Variants in AR observed in about 807,000 individuals in gnomAD.
AR encodes the protein dihydrotestosterone receptor.
AR carries 8 observed loss-of-function variants against 53.9 expected under a neutral mutation model. The observed-to-expected ratio is 0.15, with a 90% CI of 0.09 to 0.27. AR has a LOEUF of 0.27. Among genes scored for constraint, AR ranks in the 10% least tolerant of loss-of-function variants. The pLI, the probability that AR is intolerant of heterozygous loss-of-function variation, is 1.00. For synonymous variants in AR, 359 were observed against 316.4 expected, an observed-to-expected ratio of 1.13 and a Z score of -1.43; for missense variants, 639 against 742.5, an observed-to-expected ratio of 0.86 and a Z score of 1.62.
At chrX:67,636,193 GC>G (rs1178134274) in intron 1 of AR, among the ~76,000 whole-genome samples, 1 of 110,724 alleles carries the variant, frequency 9.0e-6, no homozygotes, top group Non-Finnish European at 1.9e-5. Context: ...AGGAGTGTCA[GC>G]CACATAATAG....
At position 67,701,320 on chromosome X, in the gene AR, C is replaced by T. The variant is rs149581285; in HGVS notation, c.1886-10082C>T. ...CAAGTCTAGAAGGATCTCAGAGAGACACATGCTGAGATACAGCAGGAATAA... is the reference window on the plus strand; with the variant it reads ...CAAGTCTAGAAGGATCTCAGAGAGATACATGCTGAGATACAGCAGGAATAA... On this transcript the variant is annotated intron_variant, in intron 3 of 7. Coordinates refer to ENST00000374690, the MANE Select transcript of AR (RefSeq NM_000044.6). Among the ~76,000 whole-genome samples, 30 of 111,002 alleles carry T rather than the reference C, an allele frequency of 2.7e-4. No homozygotes were observed. The East Asian group carries it at 8.3e-3, about 31-fold the overall frequency.
intron 2 of AR, among the ~76,000 whole-genome samples, chrX:67,648,652 G>T (rs1045052828): frequency 8.9e-6 from 1 of 112,038 alleles, no homozygotes; most frequent in African/African-American, 3.2e-5. Flanking sequence ...TGCCCAATTC[G>T]GGAGCCATGC....
chrX:67,698,818 T>C (rs1311842598), intron 3 of AR, among the ~76,000 whole-genome samples: 2 of 111,711 alleles, frequency 1.8e-5, no homozygotes, highest in African/African-American at 6.5e-5. Context: ...ATGCCTGAGT[T>C]AGGGCCCCTG....
chrX:67,663,862 C>T lies in AR; in HGVS notation c.1768+20455C>T, dbSNP rs761824342. Among the ~76,000 whole-genome samples, 8 of 112,058 alleles carry T rather than the reference C, an allele frequency of 7.1e-5. No homozygotes were observed. In the East Asian group the frequency reaches 2.2e-3, roughly 31 times the overall value. The stretch of plus-strand genomic sequence containing the variant: ...TTCCTCTGAACTTCTCGCTTCATTT[C>T]ATTCATTTGATCTTCAATCACTGAT... On this transcript the variant is annotated intron_variant, in intron 2 of 7. Coordinates refer to ENST00000374690, the MANE Select transcript of AR (RefSeq NM_000044.6).
At chrX:67,664,307 G>A (rs1159011366) in intron 2 of AR, among the ~76,000 whole-genome samples, 1 of 111,922 alleles carries the variant, frequency 8.9e-6, no homozygotes, top group East Asian at 2.8e-4. Context: ...TGGTGTGGAT[G>A]TCCTTTCTGT....
intron 1 of AR, among the ~76,000 whole-genome samples, chrX:67,594,625 C>T (rs1342247006): frequency 1.8e-5 from 2 of 111,555 alleles, no homozygotes; most frequent in Non-Finnish European, 3.8e-5. Context: ...TCAGAGTCCT[C>T]TTCCTACCTA....
At chrX:67,567,672 C>T (rs1679554039) in intron 1 of AR, among the ~76,000 whole-genome samples, 1 of 111,816 alleles carries the variant, frequency 8.9e-6, no homozygotes, top group African/African-American at 3.3e-5. Flanking sequence ...GGGTTTGTGT[C>T]CAGACTTTGT....
At chrX:67,611,630 G>A (rs1923884701) in intron 1 of AR, among the ~76,000 whole-genome samples, 1 of 111,386 alleles carries the variant, frequency 9.0e-6, no homozygotes, top group African/African-American at 3.3e-5. Context: ...GTCTTTCTAG[G>A]TGGGGATGAT....
chrX:67,570,455 C>A (rs1017308863), intron 1 of AR, among the ~76,000 whole-genome samples: 3 of 111,916 alleles, frequency 2.7e-5, no homozygotes, highest in Non-Finnish European at 5.6e-5. Flanking sequence ...TCAAAAGAGT[C>A]AGTTAAAAAT....
At chrX:67,581,306 A>T (rs1010326241) in intron 1 of AR, among the ~76,000 whole-genome samples, 4 of 111,880 alleles carry the variant, frequency 3.6e-5, no homozygotes, top group Non-Finnish European at 5.7e-5. Flanking sequence ...TCTTATATAG[A>T]ATGTGATGTT....
At chrX:67,699,817 C>T (rs909293813) in intron 3 of AR, among the ~76,000 whole-genome samples, 4 of 111,320 alleles carry the variant, frequency 3.6e-5, no homozygotes, top group East Asian at 2.8e-4. Flanking sequence ...GGAAACTTCA[C>T]GCCACTTTCA....
chrX:67,549,074 TTTTC>T (rs1929890475), intron 1 of AR, among the ~76,000 whole-genome samples: 1 of 112,369 alleles, frequency 8.9e-6, no homozygotes, highest in Non-Finnish European at 1.9e-5. Context: ...AAAGTTAGTA[TTTTC>T]TTTCTTTTTA....
chrX:67,663,835 T>C (rs1354384658), intron 2 of AR, among the ~76,000 whole-genome samples: 1 of 111,906 alleles, frequency 8.9e-6, no homozygotes, highest in Non-Finnish European at 1.9e-5. Context: ...TTTTTATTCT[T>C]TTTCCTCTGA....
At chrX:67,562,848 A>G (rs1442414377) in intron 1 of AR, among the ~76,000 whole-genome samples, 4 of 111,892 alleles carry the variant, frequency 3.6e-5, no homozygotes, top group African/African-American at 1.3e-4. Flanking sequence ...CATTATCTGT[A>G]GAGCACTCTT....
At chrX:67,589,295 A>G (rs1217815723) in intron 1 of AR, among the ~76,000 whole-genome samples, 1 of 109,818 alleles carries the variant, frequency 9.1e-6, no homozygotes, top group Non-Finnish European at 1.9e-5. Context: ...AAAGAAGTCC[A>G]CTGTTAGTAT....
chrX:67,572,866 G>T (rs1264849226), intron 1 of AR, among the ~76,000 whole-genome samples: 1 of 111,414 alleles, frequency 9.0e-6, no homozygotes, highest in Admixed American at 9.5e-5. Flanking sequence ...GCTTAAGATT[G>T]GTCCTTTCCA....
intron 1 of AR, among the ~76,000 whole-genome samples, chrX:67,562,356 ATGTGTGTG>A (rs756124629): frequency 1.5e-4 from 14 of 95,033 alleles, no homozygotes; most frequent in Admixed American, 8.0e-4. Context: ...TATGGTGTAT[ATGTGTGTG>A]TGTGTGTGTG....
intron 1 of AR, among the ~76,000 whole-genome samples, chrX:67,625,702 A>T (rs1020723494): frequency 8.9e-6 from 1 of 111,810 alleles, no homozygotes; most frequent in African/African-American, 3.2e-5. Flanking sequence ...GGATATCCAC[A>T]TGAAAATAAA....
chrX:67,580,818 T>C (rs1449834596), intron 1 of AR, among the ~76,000 whole-genome samples: 1 of 111,650 alleles, frequency 9.0e-6, no homozygotes, highest in African/African-American at 3.2e-5. Context: ...CCCCACTAGA[T>C]TGTCAACTCT....
Sources: gnomAD v4.1 joint callset for allele counts (sites outside exome capture counted in the v4.1 genomes callset) on GRCh38, gnomAD v4.1.1 for gene constraint, MANE v1.5 for transcripts, NCBI Gene and HGNC (gene_info 2026-07-23, HGNC 2026-07-21) for gene names.